The following MS4A6E variants were observed in gnomAD, a reference collection of about 807,000 sequenced individuals.
The protein encoded by MS4A6E is membrane spanning 4-domains A6E, also known as membrane-spanning 4-domains subfamily A member 6E.
Under a neutral mutation model 13.2 loss-of-function variants are expected in MS4A6E, and 8 were observed. That is an observed-to-expected ratio of 0.60 (90% CI 0.35 to 1.09). The LOEUF is 1.09. MS4A6E is among the 50% of genes least tolerant of loss of function. The probability of loss-of-function intolerance (pLI) is 0.02; values close to 1 mark genes in which losing one functional copy is unlikely to be tolerated. For synonymous variants in MS4A6E, 72 were observed against 67.6 expected, an observed-to-expected ratio of 1.06 and a Z score of -0.32; for missense variants, 177 against 171.1, an observed-to-expected ratio of 1.03 and a Z score of -0.19.
At chr11:60,344,920 G>T (rs147667645), downstream of MS4A6E, among the ~76,000 whole-genome samples, 1 of 149,052 alleles carries the variant, frequency 6.7e-6, no homozygotes, top group Admixed American at 6.7e-5. Flanking sequence ...TGTTTTTTTT[G>T]TTTGTTTTTT....
chr11:60,343,467 G>A (rs1368300965), downstream of MS4A6E, among the ~76,000 whole-genome samples: 1 of 152,194 alleles, frequency 6.6e-6, no homozygotes, highest in East Asian at 1.9e-4. Context: ...GTATAGTTGT[G>A]TTGCAAATAG....
chr11:60,345,650 A>T (rs552438645), downstream of MS4A6E, among the ~76,000 whole-genome samples: 104 of 152,284 alleles, frequency 6.8e-4, no homozygotes, highest in African/African-American at 2.3e-3. Flanking sequence ...CAAGTGTTTA[A>T]CTCAATTGTG....
At chr11:60,340,484 G>T (rs2085217136) in intron 4 of MS4A6E, among the ~76,000 whole-genome samples, 1 of 152,172 alleles carries the variant, frequency 6.6e-6, no homozygotes. Flanking sequence ...AAAATGTATT[G>T]TTGAATCAAA....
Position 60,340,783 on chromosome 11 carries a change from T to A in MS4A6E, c.*17T>A, listed in dbSNP as rs1273555752. The stretch of plus-strand genomic sequence containing the variant: ...GCTTTTCCTGCCTCACAGTTACTCA[T>A]GTCCTCAAAGACGACTCATGATGCT... On this transcript the variant is annotated 3_prime_UTR_variant, in exon 5 of 5. Coordinates refer to ENST00000684409, the MANE Select transcript of MS4A6E (RefSeq NM_139249.4). The A allele has an allele frequency of 4.9e-6, 1 of 204,996 alleles. No homozygotes were observed. The highest frequency in any genetic ancestry group is 1.1e-5 in the Non-Finnish European group (1 of 94,382). 12.7% of individuals were successfully genotyped at this position (204,996 alleles called of 1,614,324 possible).
intron 3 of MS4A6E, among the ~76,000 whole-genome samples, chr11:60,339,132 T>C (rs4939340): frequency 0.95 from 143,853 of 152,060 alleles, 68,430 homozygotes; most frequent in Non-Finnish European, 1. Flanking sequence ...TCAAATTACC[T>C]CCCTTTATTA....
chr11:60,335,792 T>C, intron 2 of MS4A6E: 1 of 314,430 alleles, frequency 3.2e-6, no homozygotes, highest in South Asian at 2.6e-5. Flanking sequence ...GCTGTGAATC[T>C]CTGAGGTGGA....
intron 1 of MS4A6E, among the ~76,000 whole-genome samples, 104 bp downstream of exon 1, chr11:60,327,512 T>G (rs1278618460): frequency 6.6e-6 from 1 of 152,232 alleles, no homozygotes; most frequent in East Asian, 1.9e-4. Context: ...AGTGGAGTAC[T>G]GCTGTATCGA....
At chr11:60,343,586 A>G (rs2085242305), downstream of MS4A6E, among the ~76,000 whole-genome samples, 1 of 152,224 alleles carries the variant, frequency 6.6e-6, no homozygotes, top group Non-Finnish European at 1.5e-5. Flanking sequence ...TGAAGTTACA[A>G]ATGTAATCCC....
Position 60,341,308 on chromosome 11 carries a change from G to A in MS4A6E, c.*542G>A, listed in dbSNP as rs1267345909. Among the ~76,000 whole-genome samples the A allele has an allele frequency of 2.0e-5, 3 of 152,048 alleles. No homozygotes were observed. Among genetic ancestry groups the A allele is most frequent in the Admixed American group, 6.5e-5 (1 of 15,278 alleles). On this transcript the variant is annotated 3_prime_UTR_variant, in exon 5 of 5. Transcript: ENST00000684409. ...AGTCTCCGAGTGTATGAAAGTAGCC[G>A]GCTTCAAAATAAAATCTTTGAGTGC...
rs548481853 is a variant in MS4A6E, at chr11:60,327,962, G to A, written c.-15+554G>A. Among the ~76,000 whole-genome samples the A allele has an allele frequency of 8.7e-5, 13 of 149,320 alleles. No homozygotes were observed. The East Asian group carries it at 1.4e-3, about 16-fold the overall frequency. ...GTAGAATTGCTTGAACCTGGGAGGCGGAAGTTGCCATGAGCCAAGATCGCA... is the reference window on the plus strand; with the variant it reads ...GTAGAATTGCTTGAACCTGGGAGGCAGAAGTTGCCATGAGCCAAGATCGCA... On this transcript the variant is annotated intron_variant, in intron 1 of 4. Coordinates refer to ENST00000684409, the MANE Select transcript of MS4A6E (RefSeq NM_139249.4).
intron 2 of MS4A6E, among the ~76,000 whole-genome samples, chr11:60,336,229 C>T (rs955207792): frequency 6.6e-6 from 1 of 152,224 alleles, no homozygotes; most frequent in Non-Finnish European, 1.5e-5. Context: ...AAATCCACAA[C>T]AGCTGCACTG....
chr11:60,337,689 G>T (rs1448126215), intron 2 of MS4A6E, 52 bp from the exon 3 acceptor site: 1 of 1,605,078 alleles, frequency 6.2e-7, no homozygotes, highest in Non-Finnish European at 8.5e-7. Context: ...AAAGGGATAA[G>T]AGAGATTCGT....
At chr11:60,341,731 T>A (rs1163553066), downstream of MS4A6E, among the ~76,000 whole-genome samples, 1 of 152,222 alleles carries the variant, frequency 6.6e-6, no homozygotes, top group Non-Finnish European at 1.5e-5. Flanking sequence ...GTCTCAGATA[T>A]CCTGATACTC....
intron 4 of MS4A6E, among the ~76,000 whole-genome samples, chr11:60,346,727 C>T (rs765999619): frequency 1.3e-5 from 2 of 152,212 alleles, no homozygotes; most frequent in African/African-American, 2.4e-5. Flanking sequence ...AAAAGAACTG[C>T]TTCCCTTCCT....
At chr11:60,348,788 G>T (rs1030829190) in intron 4 of MS4A6E, among the ~76,000 whole-genome samples, 7 of 152,244 alleles carry the variant, frequency 4.6e-5, no homozygotes, top group Admixed American at 1.3e-4. Flanking sequence ...GGTATCTCCA[G>T]GAAGCCTGTC....
intron 1 of MS4A6E, among the ~76,000 whole-genome samples, chr11:60,334,517 A>T (rs2085176278): frequency 6.6e-6 from 1 of 152,216 alleles, no homozygotes; most frequent in Non-Finnish European, 1.5e-5. Context: ...ATTAGAGTGC[A>T]TTTGTCTAAA....
chr11:60,344,911 GTTTTT>G (rs56284334), downstream of MS4A6E, among the ~76,000 whole-genome samples: 11 of 151,716 alleles, frequency 7.3e-5, no homozygotes, highest in Non-Finnish European at 1.5e-4. Context: ...TGTTTGTTTT[GTTTTT>G]TTTGTTTGTT....
In MS4A6E at chr11:60,335,034, G is replaced by A. The variant is rs2304933; in HGVS notation, c.139G>A (p.Val47Ile). 1.5e-5 allele frequency: 24 copies of A among 1,613,638 alleles called. No individual in the cohort carries two copies. The highest frequency in any genetic ancestry group is 1.9e-5 in the Non-Finnish European group (23 of 1,179,910). ...LKKRLQAKVK[V>I]IGVHSSLAGS... ...GAAACGTCTACAGGCAAAAGTCAAA[G>A]TTATTGGGGTAAATCTAATTCAGAA... The change falls in exon 2 of 5, where the codon GTT becomes ATT. Residue 47 changes from valine to isoleucine, a missense_variant. Physicochemically the swap from Val to Ile is conservative, Grantham distance 29. Coordinates refer to ENST00000684409, the MANE Select transcript of MS4A6E (RefSeq NM_139249.4).
rs779498684 is a variant in MS4A6E, at chr11:60,334,895, T to C, written c.-1T>C. 1.9e-6 allele frequency: 3 copies of C among 1,613,836 alleles called. No homozygotes were observed. The African/African-American group carries it at 4.0e-5, about 22-fold the overall frequency. ...TTTCTTCCGTAGTTGGCAACACCAT[T>C]ATGACATCACAACCTATTTCCAATG... On this transcript the variant is annotated 5_prime_UTR_variant, in exon 2 of 5. Coordinates refer to ENST00000684409, the MANE Select transcript of MS4A6E (RefSeq NM_139249.4).
Sources: allele counts gnomAD v4.1 joint callset (sites outside exome capture counted in the v4.1 genomes callset), GRCh38; gene constraint gnomAD v4.1.1; transcripts MANE v1.5; gene names NCBI Gene and HGNC (gene_info 2026-07-23, HGNC 2026-07-21).